Variants in LARS2 observed in about 807,000 individuals in gnomAD.
The protein encoded by LARS2 is leucyl-tRNA synthetase 2, mitochondrial, also known as leucine--tRNA ligase, mitochondrial.
In LARS2, 81 loss-of-function variants were observed where a neutral mutation model predicts 116.6. The observed-to-expected ratio is 0.69, with a 90% CI of 0.58 to 0.84. The LOEUF is 0.84. Ranked by LOEUF, LARS2 falls within the 40% of genes least tolerant of loss-of-function variation. The probability of loss-of-function intolerance (pLI) is 0.00; values close to 1 mark genes in which losing one functional copy is unlikely to be tolerated. For missense variants in LARS2, 968 were observed against 1,114.5 expected, an observed-to-expected ratio of 0.87 and a Z score of 1.87; for synonymous variants, 396 against 407.2, an observed-to-expected ratio of 0.97 and a Z score of 0.33.
chr3:45,450,290 T>C (rs1194819721), intron 7 of LARS2, among the ~76,000 whole-genome samples: 1 of 152,210 alleles, frequency 6.6e-6, no homozygotes, highest in African/African-American at 2.4e-5. Flanking sequence ...CAATAAATTA[T>C]TGTTAACTAT....
chr3:45,415,857 AAAAATAT>A (rs1559461234), intron 4 of LARS2, among the ~76,000 whole-genome samples: 2 of 103,006 alleles, frequency 1.9e-5, no homozygotes, highest in East Asian at 2.1e-4. Context: ...CAAAAAAAAA[AAAAATAT>A]ATATATATAT....
chr3:45,388,618 C>T lies in LARS2; in HGVS notation c.-150C>T, dbSNP rs1476324401. Reference sequence around the variant, plus strand: ...GCGGCGCCCATGGTCCGTGGCCCGGCAGTGCTCGCCTAAAGGTGGAGAACG... The same window carrying T: ...GCGGCGCCCATGGTCCGTGGCCCGGTAGTGCTCGCCTAAAGGTGGAGAACG... On this transcript the variant is annotated 5_prime_UTR_variant, in exon 1 of 22. Coordinates refer to ENST00000645846, the MANE Select transcript of LARS2 (RefSeq NM_015340.4). 6.6e-6 allele frequency: 1 copy of T among 152,300 alleles called. No homozygotes were observed. The highest frequency in any genetic ancestry group is 2.4e-5 in the African/African-American group (1 of 41,462). 9.4% of individuals were successfully genotyped at this position (152,300 alleles called of 1,614,324 possible). A position where few individuals can be genotyped will look rare whatever the true frequency, so the allele number is the denominator to read the frequency against.
intron 7 of LARS2, among the ~76,000 whole-genome samples, chr3:45,451,160 A>G (rs1423447869): frequency 6.6e-6 from 1 of 151,460 alleles, no homozygotes; most frequent in Non-Finnish European, 1.5e-5. Flanking sequence ...CTATCTCTTT[A>G]CTCTGTTCAT....
chr3:45,457,417 G>A (rs965220946), intron 7 of LARS2, among the ~76,000 whole-genome samples: 2 of 152,222 alleles, frequency 1.3e-5, no homozygotes, highest in African/African-American at 4.8e-5. Context: ...GGTGGCTCAC[G>A]CCTGTAATCC....
chr3:45,447,754 A>G (rs773819885), intron 7 of LARS2, among the ~76,000 whole-genome samples: 19 of 152,188 alleles, frequency 1.2e-4, no homozygotes, highest in Non-Finnish European at 2.4e-4. Flanking sequence ...GATTAAAGGT[A>G]ATAGTTAAAG....
At chr3:45,466,753 G>C (rs1699432013) in intron 8 of LARS2, among the ~76,000 whole-genome samples, 1 of 152,040 alleles carries the variant, frequency 6.6e-6, no homozygotes, top group African/African-American at 2.4e-5. Context: ...ATCTCACTCT[G>C]TCTCCCAGGC....
intron 2 of LARS2, among the ~76,000 whole-genome samples, 158 bp from the exon 3 acceptor site, chr3:45,394,275 A>C (rs1294580925): frequency 6.6e-6 from 1 of 152,262 alleles, no homozygotes; most frequent in Non-Finnish European, 1.5e-5. Context: ...GTTTGTGTTT[A>C]GCTCAATTGA....
Position 45,476,725 on chromosome 3 carries a change from C to T in LARS2, c.1018+98C>T, listed in dbSNP as rs962795056. 1.8e-5 allele frequency: 23 copies of T among 1,255,634 alleles called. No individual in the cohort carries two copies. In the Admixed American group the frequency reaches 2.4e-4, roughly 13 times the overall value. The allele number at this position is 1,255,634 out of a possible 1,614,324, so 77.8% of individuals were successfully genotyped here. ...AGGTCCTTTCCTCTATGTCATCTTG[C>T]GTGGGTTGTTCTTTGCCTTAGCCTG... On this transcript the variant is annotated intron_variant, in intron 10 of 21. Transcript: ENST00000645846.
At chr3:45,516,982 A>AAG (rs1364519757) in intron 17 of LARS2, among the ~76,000 whole-genome samples, 13 of 152,224 alleles carry the variant, frequency 8.5e-5, no homozygotes, top group African/African-American at 3.1e-4. Context: ...TGGGAAGAGG[A>AAG]AGTCAGATGC....
intron 8 of LARS2, among the ~76,000 whole-genome samples, chr3:45,462,908 C>T (rs972009889): frequency 2.0e-5 from 3 of 152,192 alleles, no homozygotes; most frequent in East Asian, 1.9e-4. Flanking sequence ...TGATTTTTCT[C>T]CTCTTACCCC....
chr3:45,544,075 T>C (rs900846180), intron 21 of LARS2, among the ~76,000 whole-genome samples: 1 of 152,242 alleles, frequency 6.6e-6, no homozygotes, highest in African/African-American at 2.4e-5. Flanking sequence ...AGGACTTCTG[T>C]GAAGGCCTGG....
chr3:45,522,466 C>T (rs1216904823), intron 19 of LARS2, among the ~76,000 whole-genome samples: 3 of 152,236 alleles, frequency 2.0e-5, no homozygotes, highest in African/African-American at 4.8e-5. Flanking sequence ...CACAGTGGCT[C>T]ACGCCTGTAA....
At chr3:45,450,428 A>G (rs989086571) in intron 7 of LARS2, among the ~76,000 whole-genome samples, 1 of 151,880 alleles carries the variant, frequency 6.6e-6, no homozygotes, top group Non-Finnish European at 1.5e-5. Context: ...AGCAGCCACC[A>G]TTCTACACTC....
intron 6 of LARS2, among the ~76,000 whole-genome samples, chr3:45,426,844 A>C (rs1575246381): frequency 6.6e-6 from 1 of 152,176 alleles, no homozygotes; most frequent in Non-Finnish European, 1.5e-5. Context: ...TCCAGCTGGT[A>C]GTCATGAGCC....
intron 16 of LARS2, 83 bp from the exon 17 acceptor site, chr3:45,516,011 C>A (rs546893114): frequency 1.8e-6 from 2 of 1,086,474 alleles, no homozygotes; most frequent in South Asian, 1.6e-5. Flanking sequence ...CATCGCTCAC[C>A]CAGTTTTTAC....
At chr3:45,399,418 A>T (rs551683952) in intron 3 of LARS2, among the ~76,000 whole-genome samples, 92 of 152,286 alleles carry the variant, frequency 6.0e-4, no homozygotes, top group African/African-American at 2.1e-3. Flanking sequence ...GGAAAAACAA[A>T]CAGTTCTTTA....
chr3:45,547,412 A>G lies in LARS2; in HGVS notation c.2594A>G (p.Lys865Arg). 6.2e-7 allele frequency: 1 copy of G among 1,613,774 alleles called. No individual in the cohort carries two copies. The highest frequency in any genetic ancestry group is 8.5e-7 in the Non-Finnish European group (1 of 1,179,884). ...VPQQVARDQD[K>R]VHEFVLQSEL... The stretch of plus-strand genomic sequence containing the variant: ...CAACAAGTTGCCCGGGACCAGGACA[A>G]AGTCCACGAATTTGTTCTTCAAAGC... The change falls in exon 22 of 22, where the codon AAA becomes AGA. Residue 865 changes from lysine to arginine, a missense_variant. Transcript: ENST00000645846.
At chr3:45,435,826 T>C (rs1385243495) in intron 6 of LARS2, among the ~76,000 whole-genome samples, 1 of 152,198 alleles carries the variant, frequency 6.6e-6, no homozygotes, top group Non-Finnish European at 1.5e-5. Context: ...AGTCTTATGT[T>C]TCATTCATAT....
At chr3:45,527,168 C>CG (rs1398850401) in intron 20 of LARS2, among the ~76,000 whole-genome samples, 1 of 152,040 alleles carries the variant, frequency 6.6e-6, no homozygotes, top group African/African-American at 2.4e-5. Flanking sequence ...GGTTTATTAC[C>CG]GGGGGAAACA....
Sources: gnomAD v4.1 joint callset for allele counts (sites outside exome capture counted in the v4.1 genomes callset) on GRCh38, gnomAD v4.1.1 for gene constraint, MANE v1.5 for transcripts, NCBI Gene and HGNC (gene_info 2026-07-23, HGNC 2026-07-21) for gene names.